The following MAP2K6 variants were observed in gnomAD, a reference collection of about 807,000 sequenced individuals.
The protein encoded by MAP2K6 is dual specificity mitogen-activated protein kinase kinase 6.
A neutral mutation model predicts 53.7 loss-of-function variants in MAP2K6; 16 were observed. That is an observed-to-expected ratio of 0.30 (90% confidence interval 0.20 to 0.45). The LOEUF (loss-of-function observed/expected upper bound fraction) is 0.45. MAP2K6 is among the 20% of genes least tolerant of loss of function. The pLI, the probability that MAP2K6 is intolerant of heterozygous loss-of-function variation, is 1.00. For synonymous variants in MAP2K6, 132 were observed against 143.1 expected (o/e 0.92, Z 0.55); for missense variants, 204 against 411.9 (o/e 0.50, Z 4.37).
chr17:69,432,283 C>G (rs1567815902), intron 1 of MAP2K6, among the ~76,000 whole-genome samples: 1 of 152,110 alleles, frequency 6.6e-6, no homozygotes, highest in South Asian at 2.1e-4. Flanking sequence ...ATCATTTAAC[C>G]CAGCATTCCC....
At chr17:69,482,142 T>G (rs144317074) in intron 1 of MAP2K6, among the ~76,000 whole-genome samples, 1 of 152,140 alleles carries the variant, frequency 6.6e-6, no homozygotes, top group Admixed American at 6.5e-5. Flanking sequence ...AGGCAACTTA[T>G]GTCTTCAAGT....
intron 2 of MAP2K6, among the ~76,000 whole-genome samples, chr17:69,512,141 A>G (rs1909855760): frequency 6.6e-6 from 1 of 151,100 alleles, no homozygotes; most frequent in South Asian, 2.1e-4. Context: ...CGGTGGAAGA[A>G]CTGGCATATA....
At chr17:69,493,770 GA>G (rs202096268) in intron 1 of MAP2K6, among the ~76,000 whole-genome samples, 1,686 of 91,328 alleles carry the variant, frequency 0.018, 15 homozygotes, top group East Asian at 0.088. Context: ...CAAGAAAAAA[GA>G]AAAAAAAAAA....
chr17:69,424,140 G>C (rs944106763), intron 1 of MAP2K6, among the ~76,000 whole-genome samples: 1 of 152,112 alleles, frequency 6.6e-6, no homozygotes, highest in Middle Eastern at 3.2e-3. Context: ...AACCCCGGGT[G>C]GGCAATTTTC....
At position 69,548,064 on chromosome 17, in the gene MAP2K6, G is replaced by A. The variant is rs996113021; in HGVS notation, c.*6311G>A. On this transcript the variant is annotated 3_prime_UTR_variant, in exon 12 of 12. Coordinates refer to ENST00000590474, the MANE Select transcript of MAP2K6 (RefSeq NM_002758.4). Reference sequence around the variant, plus strand: ...TCACATTTTAAGGAAGTAGGAAAGAGTAGTTTGAAGTCACAAAATTTGTTC... The same window carrying A: ...TCACATTTTAAGGAAGTAGGAAAGAATAGTTTGAAGTCACAAAATTTGTTC... The A allele has an allele frequency of 1.3e-5, 2 of 152,204 alleles. No individual in the cohort carries two copies. The highest frequency in any genetic ancestry group is 4.8e-5 in the African/African-American group (2 of 41,456). The allele number at this position is 152,204 out of a possible 1,614,324, so 9.4% of individuals were successfully genotyped here. A position where few individuals can be genotyped will look rare whatever the true frequency, so the allele number is the denominator to read the frequency against.
intron 1 of MAP2K6, among the ~76,000 whole-genome samples, chr17:69,504,917 A>C (rs559396746): frequency 1.3e-5 from 2 of 152,266 alleles, no homozygotes; most frequent in South Asian, 2.1e-4. Context: ...CCCTCTCTTA[A>C]GTTTTTCAAA....
At chr17:69,493,459 T>C (rs557901490) in intron 1 of MAP2K6, among the ~76,000 whole-genome samples, 1 of 152,206 alleles carries the variant, frequency 6.6e-6, no homozygotes, top group African/African-American at 2.4e-5. Flanking sequence ...ACAGTGGATA[T>C]ATAAAAAATA....
intron 2 of MAP2K6, among the ~76,000 whole-genome samples, chr17:69,507,754 T>C (rs1390866351): frequency 2.0e-5 from 3 of 152,208 alleles, no homozygotes; most frequent in Admixed American, 2.0e-4. Flanking sequence ...TTTTCCATTT[T>C]TGGCTATTAT....
In MAP2K6 at chr17:69,547,566, A is replaced by G. The variant is rs2144887865; in HGVS notation, c.*5813A>G. ...TAGATATGTAGAGTTCTTCCATTTT[A>G]GTGACTATTGAGCTCAGCTGCTGTT... On this transcript the variant is annotated 3_prime_UTR_variant, in exon 12 of 12. Coordinates refer to ENST00000590474, the MANE Select transcript of MAP2K6 (RefSeq NM_002758.4). The G allele has an allele frequency of 6.6e-6, 1 of 152,388 alleles. No individual in the cohort carries two copies. The highest frequency in any genetic ancestry group is 2.1e-4 in the South Asian group (1 of 4,824). The allele number at this position is 152,388 out of a possible 1,614,324, so 9.4% of individuals were successfully genotyped here.
At chr17:69,508,053 T>C in intron 2 of MAP2K6, among the ~76,000 whole-genome samples, 1 of 71,682 alleles carries the variant, frequency 1.4e-5, no homozygotes, top group African/African-American at 5.9e-5. Flanking sequence ...TTTTTTTTTT[T>C]TTTTTTTTTT....
At chr17:69,484,167 A>C (rs1908442918) in intron 1 of MAP2K6, among the ~76,000 whole-genome samples, 1 of 152,132 alleles carries the variant, frequency 6.6e-6, no homozygotes, top group African/African-American at 2.4e-5. Flanking sequence ...ACAGAATGGG[A>C]GAAAATATTT....
intron 1 of MAP2K6, among the ~76,000 whole-genome samples, chr17:69,430,042 A>G (rs1280862210): frequency 1.3e-5 from 2 of 152,108 alleles, no homozygotes; most frequent in African/African-American, 4.8e-5. Flanking sequence ...AAATAATAAA[A>G]TAGGCCGGGC....
intron 1 of MAP2K6, among the ~76,000 whole-genome samples, chr17:69,439,085 A>G (rs1033313811): frequency 6.6e-6 from 1 of 152,226 alleles, no homozygotes; most frequent in East Asian, 1.9e-4. Context: ...AATATTTACT[A>G]TCTGGCCCTT....
chr17:69,461,369 A>G lies in MAP2K6; in HGVS notation c.17-44411A>G, dbSNP rs1219842861. ...GCAGCACGTGGTCCCGATGCAATGGAAAGAATGAGGGCAGTGACTGGCCCT... is the reference window on the plus strand; with the variant it reads ...GCAGCACGTGGTCCCGATGCAATGGGAAGAATGAGGGCAGTGACTGGCCCT... On this transcript the variant is annotated intron_variant, in intron 1 of 11. Coordinates refer to ENST00000590474, the MANE Select transcript of MAP2K6 (RefSeq NM_002758.4). Among the ~76,000 whole-genome samples, 7 of 152,156 alleles carry G rather than the reference A, an allele frequency of 4.6e-5. No individual in the cohort carries two copies. In the East Asian group the frequency reaches 9.6e-4, roughly 21 times the overall value.
intron 2 of MAP2K6, among the ~76,000 whole-genome samples, chr17:69,513,210 G>A (rs1262556804): frequency 6.6e-6 from 1 of 152,156 alleles, no homozygotes; most frequent in African/African-American, 2.4e-5. Flanking sequence ...CACTTGATGA[G>A]CCCAAGGGCC....
intron 10 of MAP2K6, among the ~76,000 whole-genome samples, chr17:69,528,127 G>T (rs1408625123): frequency 1.5e-5 from 1 of 64,730 alleles, no homozygotes; most frequent in African/African-American, 7.3e-5. Flanking sequence ...AAAAAAAAAA[G>T]CTGTGAATAC....
intron 6 of MAP2K6, 152 bp downstream of exon 6, chr17:69,520,538 T>C (rs1312314855): frequency 1.3e-5 from 8 of 617,668 alleles, no homozygotes; most frequent in Non-Finnish European, 2.3e-5. Context: ...AAATACATGC[T>C]TTCCTTTCTG....
chr17:69,449,278 T>C (rs960181095), intron 1 of MAP2K6, among the ~76,000 whole-genome samples: 2 of 151,888 alleles, frequency 1.3e-5, no homozygotes, highest in African/African-American at 2.4e-5. Context: ...CATATAAATG[T>C]TACATATAAT....
At chr17:69,438,188 A>T (rs1906708541) in intron 1 of MAP2K6, among the ~76,000 whole-genome samples, 1 of 152,228 alleles carries the variant, frequency 6.6e-6, no homozygotes, top group South Asian at 2.1e-4. Context: ...AGCTAAGTCT[A>T]CCAATAGCTA....
Sources: allele counts gnomAD v4.1 joint callset (sites outside exome capture counted in the v4.1 genomes callset), GRCh38; gene constraint gnomAD v4.1.1; transcripts MANE v1.5; gene names NCBI Gene and HGNC (gene_info 2026-07-23, HGNC 2026-07-21).